CDYL2: variants seen among roughly 807,000 people sequenced by gnomAD.
The protein encoded by CDYL2 is chromodomain Y like 2.
Under a neutral mutation model 49.4 loss-of-function variants are expected in CDYL2, and 23 were observed. That is an observed-to-expected ratio of 0.47 (90% CI 0.34 to 0.66). The LOEUF is 0.66. Ranked by LOEUF, CDYL2 falls within the 30% of genes least tolerant of loss-of-function variation. CDYL2 has a pLI of 0.01. For missense variants in CDYL2, 678 were observed against 656.4 expected, an observed-to-expected ratio of 1.03 and a Z score of -0.36; for synonymous variants, 360 against 268.8, an observed-to-expected ratio of 1.34 and a Z score of -3.32.
intron 2 of CDYL2, among the ~76,000 whole-genome samples, chr16:80,659,564 G>C (rs551570569): frequency 4.5e-4 from 69 of 151,796 alleles, no homozygotes; most frequent in African/African-American, 1.5e-3. Context: ...AGATGGTACA[G>C]AAAAAGAACA....
chr16:80,803,403 C>A (rs1907986070), intron 1 of CDYL2, among the ~76,000 whole-genome samples: 1 of 152,160 alleles, frequency 6.6e-6, no homozygotes, highest in Admixed American at 6.5e-5. Flanking sequence ...CAGACTTCCA[C>A]GTTCTCCTCC....
At chr16:80,670,928 C>G in intron 2 of CDYL2, 1 of 456,004 alleles carries the variant, frequency 2.2e-6, no homozygotes, top group Middle Eastern at 3.3e-4. Context: ...GCTTGCCTCA[C>G]CAGCTGTTCT....
intron 1 of CDYL2, among the ~76,000 whole-genome samples, chr16:80,747,976 C>T (rs908569588): frequency 1.3e-5 from 2 of 151,922 alleles, no homozygotes; most frequent in African/African-American, 4.8e-5. Flanking sequence ...TGTTCATTTT[C>T]TCCACTAAAC....
chr16:80,757,298 G>C (rs1906344064), intron 1 of CDYL2, among the ~76,000 whole-genome samples: 1 of 152,082 alleles, frequency 6.6e-6, no homozygotes, highest in Admixed American at 6.5e-5. Context: ...AAATATATTT[G>C]GGAGGCTGGG....
intron 2 of CDYL2, among the ~76,000 whole-genome samples, chr16:80,661,468 A>G (rs1909041927): frequency 6.6e-6 from 1 of 152,036 alleles, no homozygotes; most frequent in African/African-American, 2.4e-5. Context: ...GTCTCATTCC[A>G]TCCTCATCAC....
At chr16:80,682,069 T>G (rs1373265559) in intron 2 of CDYL2, among the ~76,000 whole-genome samples, 1 of 152,182 alleles carries the variant, frequency 6.6e-6, no homozygotes, top group South Asian at 2.1e-4. Flanking sequence ...GGCTCCACCC[T>G]AGACTTAGGA....
intron 1 of CDYL2, among the ~76,000 whole-genome samples, chr16:80,691,185 A>AT (rs1237046484): frequency 6.6e-6 from 1 of 152,176 alleles, no homozygotes; most frequent in Non-Finnish European, 1.5e-5. Context: ...CACATCCCTG[A>AT]AGACCTTTCT....
intron 5 of CDYL2, among the ~76,000 whole-genome samples, chr16:80,611,251 G>A (rs1487367505): frequency 6.6e-6 from 1 of 152,176 alleles, no homozygotes; most frequent in Non-Finnish European, 1.5e-5. Flanking sequence ...TGGCGAGCCG[G>A]GCACTTAGTG....
intron 1 of CDYL2, among the ~76,000 whole-genome samples, chr16:80,688,248 A>G (rs1910276837): frequency 6.6e-6 from 1 of 152,130 alleles, no homozygotes; most frequent in Admixed American, 6.5e-5. Flanking sequence ...TGGCTTGTCA[A>G]CAATTTCTAC....
At chr16:80,708,587 C>T (rs2142508851) in intron 1 of CDYL2, among the ~76,000 whole-genome samples, 1 of 152,322 alleles carries the variant, frequency 6.6e-6, no homozygotes, top group African/African-American at 2.4e-5. Flanking sequence ...AACCCCATCC[C>T]ATTTTGAGGA....
intron 1 of CDYL2, chr16:80,738,582 G>C (rs917957993): frequency 3.9e-5 from 6 of 152,270 alleles, no homozygotes; most frequent in Non-Finnish European, 7.3e-5. Context: ...ATAGAAAGCA[G>C]ATTTGCAGTT....
intron 1 of CDYL2, among the ~76,000 whole-genome samples, chr16:80,751,547 G>C (rs1250683610): frequency 1.3e-5 from 2 of 152,200 alleles, no homozygotes; most frequent in Admixed American, 6.5e-5. Context: ...AGGCAAACAA[G>C]ACTTGAGGAT....
At chr16:80,779,319 T>C in intron 1 of CDYL2, among the ~76,000 whole-genome samples, 1 of 151,704 alleles carries the variant, frequency 6.6e-6, no homozygotes, top group Admixed American at 6.6e-5. Context: ...CTATTATCAA[T>C]AAGAAATGAA....
chr16:80,714,304 G>GA (rs918436780), intron 1 of CDYL2, among the ~76,000 whole-genome samples: 5 of 149,434 alleles, frequency 3.3e-5, no homozygotes, highest in Admixed American at 1.3e-4. Flanking sequence ...AATAAATCAA[G>GA]AAAAAAAAAG....
intron 1 of CDYL2, among the ~76,000 whole-genome samples, chr16:80,781,621 A>C (rs1333071071): frequency 1.3e-5 from 2 of 152,222 alleles, no homozygotes; most frequent in Non-Finnish European, 2.9e-5. Context: ...TCCTGAATAG[A>C]CTACATGTTG....
chr16:80,715,083 G>A (rs753651737), intron 1 of CDYL2, among the ~76,000 whole-genome samples: 6 of 152,066 alleles, frequency 3.9e-5, no homozygotes, highest in Non-Finnish European at 5.9e-5. Context: ...TCATCTGGAG[G>A]AGCAACTGGA....
At chr16:80,748,040 C>G (rs183612485) in intron 1 of CDYL2, among the ~76,000 whole-genome samples, 3 of 151,572 alleles carry the variant, frequency 2.0e-5, no homozygotes, top group African/African-American at 7.3e-5. Context: ...AGCCTCCACC[C>G]CAGTGACCAG....
At chr16:80,688,365 G>A (rs1910281070) in intron 1 of CDYL2, among the ~76,000 whole-genome samples, 1 of 152,060 alleles carries the variant, frequency 6.6e-6, no homozygotes, top group South Asian at 2.1e-4. Flanking sequence ...ATGACCTTGG[G>A]CATGTCACCC....
rs1353872418 is a variant in CDYL2 at position 80,696,321 on chromosome 16, ACATCTCAAGGAACTAGAAAAG to A, written c.25-11213_25-11193del. ...GAAAGATTTCAAATGACCTAATGAT[ACATCTCAAGGAACTAGAAAAG>A]CAAGAAAAAACCGAACTCAATAGAC... On this transcript the variant is annotated intron_variant, in intron 1 of 6. Transcript: ENST00000570137. Among the ~76,000 whole-genome samples, 50 of 152,296 alleles carry A rather than the reference ACATCTCAAGGAACTAGAAAAG, an allele frequency of 3.3e-4. 1 individual carries two copies. The highest frequency in any genetic ancestry group is 7.2e-4 in the Admixed American group (11 of 15,304).
Sources: gnomAD v4.1 joint callset for allele counts (sites outside exome capture counted in the v4.1 genomes callset) on GRCh38, gnomAD v4.1.1 for gene constraint, MANE v1.5 for transcripts, NCBI Gene and HGNC (gene_info 2026-07-23, HGNC 2026-07-21) for gene names.